Variants in ELOVL5 observed in about 807,000 individuals in gnomAD.
ELOVL5 encodes very long chain fatty acid elongase 5.
ELOVL5 carries 8 observed loss-of-function variants against 38.6 expected under a neutral mutation model. The observed-to-expected ratio is 0.21, with a 90% CI of 0.12 to 0.37. The LOEUF (loss-of-function observed/expected upper bound fraction) is 0.37. ELOVL5 is among the 10% of genes least tolerant of loss of function. The pLI, the probability that ELOVL5 is intolerant of heterozygous loss-of-function variation, is 1.00. For synonymous variants in ELOVL5, 127 were observed against 133.7 expected (o/e 0.95, Z 0.34); for missense variants, 280 against 367.8 (o/e 0.76, Z 1.95).
intron 1 of ELOVL5, among the ~76,000 whole-genome samples, chr6:53,297,963 A>T (rs1160984500): frequency 6.6e-6 from 1 of 152,222 alleles, no homozygotes; most frequent in African/African-American, 2.4e-5. Context: ...CAGTTAAATA[A>T]GAAATGTTTT....
intron 1 of ELOVL5, among the ~76,000 whole-genome samples, chr6:53,313,644 G>A (rs1767926988): frequency 6.6e-6 from 1 of 152,194 alleles, no homozygotes; most frequent in African/African-American, 2.4e-5. Flanking sequence ...TTACAGGCAT[G>A]AGCCACCATG....
chr6:53,347,860 A>C (rs1769630483), intron 1 of ELOVL5, among the ~76,000 whole-genome samples: 2 of 152,246 alleles, frequency 1.3e-5, no homozygotes, highest in Non-Finnish European at 1.5e-5. Flanking sequence ...AACGGTTGCA[A>C]GACGCAGTTC....
chr6:53,290,316 T>C (rs919237823), intron 3 of ELOVL5: 2 of 152,372 alleles, frequency 1.3e-5, no homozygotes, highest in Admixed American at 6.5e-5. Context: ...TTGCCATGTA[T>C]AATAATAAAC....
chr6:53,291,645 C>T (rs759457448), intron 3 of ELOVL5, 131 bp downstream of exon 3: 14 of 590,220 alleles, frequency 2.4e-5, no homozygotes, highest in Non-Finnish European at 4.0e-5. Flanking sequence ...ACTCATAACG[C>T]ATTAAGATAC....
At chr6:53,278,129 C>A (rs1031116328) in intron 3 of ELOVL5, among the ~76,000 whole-genome samples, 13 of 152,190 alleles carry the variant, frequency 8.5e-5, no homozygotes, top group Non-Finnish European at 1.8e-4. Flanking sequence ...GGAAATGTTA[C>A]CATTTTATGA....
At chr6:53,299,988 CTTA>C (rs899163126) in intron 1 of ELOVL5, among the ~76,000 whole-genome samples, 4 of 152,066 alleles carry the variant, frequency 2.6e-5, no homozygotes, top group Admixed American at 6.6e-5. Context: ...ATTGTTCCTG[CTTA>C]TTGTTTCTGA....
chr6:53,317,844 T>A (rs9382195), intron 1 of ELOVL5, among the ~76,000 whole-genome samples: 52,983 of 147,964 alleles, frequency 0.36, 10,364 homozygotes, highest in African/African-American at 0.55. Context: ...TTAAAAAAAA[T>A]AAAATAAAAT....
At chr6:53,328,886 GA>G (rs1768664907) in intron 1 of ELOVL5, among the ~76,000 whole-genome samples, 1 of 152,166 alleles carries the variant, frequency 6.6e-6, no homozygotes, top group Non-Finnish European at 1.5e-5. Flanking sequence ...CCTTACCACA[GA>G]GCACTAAAGC....
At chr6:53,320,368 GCT>G (rs1390473332) in intron 1 of ELOVL5, among the ~76,000 whole-genome samples, 8 of 151,180 alleles carry the variant, frequency 5.3e-5, no homozygotes, top group East Asian at 2.0e-4. Flanking sequence ...ACATAGTTGC[GCT>G]CTGTCGCCCA....
intron 5 of ELOVL5, 137 bp downstream of exon 5, chr6:53,274,953 T>C (rs568468543): frequency 1.1e-5 from 9 of 812,850 alleles, no homozygotes; most frequent in Non-Finnish European, 1.5e-5. Flanking sequence ...ACATAAACTA[T>C]CATTAAAAGC....
chr6:53,320,493 G>A (rs1437522128), intron 1 of ELOVL5, among the ~76,000 whole-genome samples: 1 of 151,938 alleles, frequency 6.6e-6, no homozygotes, highest in South Asian at 2.1e-4. Flanking sequence ...CCACCACCGC[G>A]CCTGGCTAAT....
chr6:53,318,702 T>C (rs1169729112), intron 1 of ELOVL5, among the ~76,000 whole-genome samples: 1 of 151,440 alleles, frequency 6.6e-6, no homozygotes, highest in Non-Finnish European at 1.5e-5. Context: ...ACTGCGCTAC[T>C]GCACTCCAGC....
In ELOVL5 at chr6:53,270,770, G is replaced by A. The variant is rs111658712; in HGVS notation, c.622-43C>T. ...ATGCAGCTGAACAGGGACAGTGCAT[G>A]GACGAGGCCCCACACCAGGCAGACT... On this transcript the variant is annotated intron_variant, in intron 6 of 7. Transcript: ENST00000304434. The A allele has an allele frequency of 2.0e-3, 3,176 of 1,605,722 alleles. 36 individuals carry two copies. The African/African-American group carries it at 0.025, about 12-fold the overall frequency.
chr6:53,306,691 G>C (rs944488380), intron 1 of ELOVL5, among the ~76,000 whole-genome samples: 1 of 152,088 alleles, frequency 6.6e-6, no homozygotes, highest in Non-Finnish European at 1.5e-5. Flanking sequence ...CACAACAAAC[G>C]AGCATTCAGA....
At chr6:53,318,329 C>T (rs1768142609) in intron 1 of ELOVL5, among the ~76,000 whole-genome samples, 1 of 152,174 alleles carries the variant, frequency 6.6e-6, no homozygotes, top group South Asian at 2.1e-4. Flanking sequence ...TGGGCGAGTA[C>T]ATGTCTGAAA....
At chr6:53,329,975 G>A (rs1287692545) in intron 1 of ELOVL5, among the ~76,000 whole-genome samples, 3 of 152,122 alleles carry the variant, frequency 2.0e-5, no homozygotes, top group Non-Finnish European at 2.9e-5. Context: ...TTATCTTAAT[G>A]GCAAATAACC....
intron 1 of ELOVL5, among the ~76,000 whole-genome samples, chr6:53,300,676 A>G (rs557200337): frequency 5.3e-5 from 8 of 151,898 alleles, no homozygotes; most frequent in South Asian, 4.2e-4. Context: ...GCTGGCATGC[A>G]CAAGGACCAG....
intron 1 of ELOVL5, among the ~76,000 whole-genome samples, chr6:53,340,066 GA>G (rs1769262935): frequency 6.6e-6 from 1 of 151,708 alleles, no homozygotes; most frequent in African/African-American, 2.4e-5. Flanking sequence ...TTTAAAAGGA[GA>G]AAAAAAGCTT....
rs192899145 is a variant in ELOVL5, at chr6:53,305,735, G to A, written c.-8-10028C>T. On this transcript the variant is annotated intron_variant, in intron 1 of 7. Coordinates refer to ENST00000304434, the MANE Select transcript of ELOVL5 (RefSeq NM_021814.5). Reference sequence around the variant, plus strand: ...ACTTTCCAGACTGGGCAGCCAGGCAGAGGGTCTCCTCACATCCCAGATGAT... The same window carrying A: ...ACTTTCCAGACTGGGCAGCCAGGCAAAGGGTCTCCTCACATCCCAGATGAT... Among the ~76,000 whole-genome samples, 994 of 150,974 alleles carry A rather than the reference G, an allele frequency of 6.6e-3. 19 individuals are homozygous for A. The highest frequency in any genetic ancestry group is 0.023 in the African/African-American group (954 of 41,120).
Sources: allele counts gnomAD v4.1 joint callset (sites outside exome capture counted in the v4.1 genomes callset), GRCh38; gene constraint gnomAD v4.1.1; transcripts MANE v1.5; gene names NCBI Gene and HGNC (gene_info 2026-07-23, HGNC 2026-07-21).